The following SPSB4 variants were observed in gnomAD, a reference collection of about 807,000 sequenced individuals.
The protein encoded by SPSB4 is SPRY domain-containing SOCS box protein 4.
A neutral mutation model predicts 20.9 loss-of-function variants in SPSB4; 21 were observed. The ratio of observed to expected loss-of-function variants is 1.01; its 90% CI spans 0.71 to 1.45. The LOEUF (loss-of-function observed/expected upper bound fraction) is 1.45, where lower values mean the gene tolerates loss of function less well. Ranked by LOEUF, SPSB4 falls within the 40% of genes most tolerant of loss-of-function variation. SPSB4 has a pLI of 0.00. For synonymous variants in SPSB4, 207 were observed against 183.8 expected (o/e 1.13, Z -1.02); for missense variants, 399 against 399.2 (o/e 1.00, Z 0.00).
intron 2 of SPSB4, among the ~76,000 whole-genome samples, chr3:141,094,658 T>C (rs569826568): frequency 6.6e-6 from 1 of 152,164 alleles, no homozygotes; most frequent in African/African-American, 2.4e-5. Context: ...AACAAAATGC[T>C]CTCAAGTGGA....
Position 141,054,412 on chromosome 3 carries a change from A to T in SPSB4, c.-154+2420A>T, listed in dbSNP as rs1202944333. On this transcript the variant is annotated intron_variant, in intron 1 of 2. Transcript: ENST00000310546. ...GGTAAGAAAAGATCAACTATAAAAA[A>T]TTTTTAAACCAGCAACACGTTTTTA... Among the ~76,000 whole-genome samples, 9 of 152,328 alleles carry T rather than the reference A, an allele frequency of 5.9e-5. No individual in the cohort carries two copies. The East Asian group carries it at 1.2e-3, about 20-fold the overall frequency.
intron 2 of SPSB4, among the ~76,000 whole-genome samples, chr3:141,081,669 GA>G (rs139011757): frequency 0.022 from 3,418 of 152,232 alleles, 227 homozygotes; most frequent in East Asian, 0.14. Context: ...CAGCTGTGCA[GA>G]ACACAGTGGC....
intron 2 of SPSB4, among the ~76,000 whole-genome samples, chr3:141,096,594 T>C (rs1342158056): frequency 6.6e-6 from 1 of 152,248 alleles, no homozygotes; most frequent in Non-Finnish European, 1.5e-5. Context: ...TTTGGGTTTC[T>C]AATTCCATAC....
intron 2 of SPSB4, among the ~76,000 whole-genome samples, chr3:141,140,122 G>A (rs976305810): frequency 3.3e-5 from 5 of 151,898 alleles, no homozygotes; most frequent in East Asian, 3.9e-4. Flanking sequence ...CCAGTTGATC[G>A]CGTCAGTTAC....
chr3:141,111,957 C>T (rs73871725), intron 2 of SPSB4, among the ~76,000 whole-genome samples: 3,155 of 152,250 alleles, frequency 0.021, 111 homozygotes, highest in African/African-American at 0.072. Context: ...AGCAGCTTCC[C>T]GTCTCTCCGC....
At chr3:141,102,586 G>A (rs1444836225) in intron 2 of SPSB4, among the ~76,000 whole-genome samples, 1 of 152,150 alleles carries the variant, frequency 6.6e-6, no homozygotes, top group Non-Finnish European at 1.5e-5. Flanking sequence ...AGGCCCTGTG[G>A]CAAGAGGGAG....
chr3:141,127,136 G>A (rs1305587337), intron 2 of SPSB4, among the ~76,000 whole-genome samples: 2 of 152,270 alleles, frequency 1.3e-5, no homozygotes, highest in Non-Finnish European at 2.9e-5. Context: ...CTTCCTCACA[G>A]CTGGGAGGGG....
At chr3:141,052,880 G>A (rs1299386658) in intron 1 of SPSB4, among the ~76,000 whole-genome samples, 1 of 152,228 alleles carries the variant, frequency 6.6e-6, no homozygotes, top group East Asian at 1.9e-4. Flanking sequence ...GGGACGCCGA[G>A]CCCCCGACCT....
At chr3:141,064,909 A>G (rs1202266674) in intron 1 of SPSB4, among the ~76,000 whole-genome samples, 1 of 152,164 alleles carries the variant, frequency 6.6e-6, no homozygotes, top group Non-Finnish European at 1.5e-5. Context: ...GTCTGGGGTC[A>G]GTGCTGTTAA....
intron 2 of SPSB4, among the ~76,000 whole-genome samples, chr3:141,072,472 C>A (rs1298794981): frequency 2.0e-5 from 3 of 152,142 alleles, no homozygotes; most frequent in African/African-American, 7.2e-5. Context: ...TGAGTGAGTT[C>A]TCACTATTAG....
intron 2 of SPSB4, among the ~76,000 whole-genome samples, chr3:141,123,271 C>T (rs1266333291): frequency 1.3e-5 from 2 of 152,238 alleles, no homozygotes; most frequent in African/African-American, 4.8e-5. Context: ...CCACCCTACC[C>T]AGTGCCTAGA....
At chr3:141,135,285 G>T (rs72983851) in intron 2 of SPSB4, among the ~76,000 whole-genome samples, 1 of 151,546 alleles carries the variant, frequency 6.6e-6, no homozygotes, top group South Asian at 2.1e-4. Flanking sequence ...TTAATATACC[G>T]TAATTTATTT....
chr3:141,140,066 C>A (rs1027530878), intron 2 of SPSB4, among the ~76,000 whole-genome samples: 4 of 152,118 alleles, frequency 2.6e-5, no homozygotes, highest in Non-Finnish European at 4.4e-5. Context: ...TTTCTCTTCA[C>A]GCTTCATTTC....
At chr3:141,101,998 T>C (rs977165938) in intron 2 of SPSB4, among the ~76,000 whole-genome samples, 2 of 152,242 alleles carry the variant, frequency 1.3e-5, no homozygotes, top group African/African-American at 4.8e-5. Flanking sequence ...ATTTCGTGCC[T>C]TTCCAGTTGT....
intron 2 of SPSB4, among the ~76,000 whole-genome samples, chr3:141,128,426 G>C (rs1299196674): frequency 6.6e-6 from 1 of 152,124 alleles, no homozygotes; most frequent in Non-Finnish European, 1.5e-5. Flanking sequence ...AGTGGGGAGA[G>C]GACTGAGCCA....
At chr3:141,121,287 A>C (rs921894994) in intron 2 of SPSB4, among the ~76,000 whole-genome samples, 9 of 152,202 alleles carry the variant, frequency 5.9e-5, no homozygotes, top group African/African-American at 1.2e-4. Flanking sequence ...ATTCGCTGTT[A>C]GTCTGATGGG....
At chr3:141,083,410 C>T (rs941108980) in intron 2 of SPSB4, among the ~76,000 whole-genome samples, 8 of 152,154 alleles carry the variant, frequency 5.3e-5, no homozygotes, top group Non-Finnish European at 8.8e-5. Context: ...AGGGCGTGTC[C>T]AGCAGAAGAT....
chr3:141,077,926 A>G (rs969861862), intron 2 of SPSB4, among the ~76,000 whole-genome samples: 2 of 152,180 alleles, frequency 1.3e-5, no homozygotes, highest in Non-Finnish European at 2.9e-5. Context: ...GCACCCCATC[A>G]CTGCATCAAC....
At chr3:141,140,493 G>A (rs1056623595) in intron 2 of SPSB4, among the ~76,000 whole-genome samples, 4 of 152,124 alleles carry the variant, frequency 2.6e-5, no homozygotes, top group African/African-American at 4.8e-5. Context: ...TGATGGTGAC[G>A]TACAGATGGG....
Sources: allele counts gnomAD v4.1 joint callset (sites outside exome capture counted in the v4.1 genomes callset), GRCh38; gene constraint gnomAD v4.1.1; transcripts MANE v1.5; gene names NCBI Gene and HGNC (gene_info 2026-07-23, HGNC 2026-07-21).